The following FANCD2OS variants were observed in gnomAD, a reference collection of about 807,000 sequenced individuals.
FANCD2OS encodes the protein FANCD2 opposite strand protein.
Under a neutral mutation model 13.2 loss-of-function variants are expected in FANCD2OS, and 11 were observed. The observed-to-expected ratio is 0.83, with a 90% CI of 0.52 to 1.38. FANCD2OS has a LOEUF of 1.38. FANCD2OS is among the 40% of genes most tolerant of loss of function. FANCD2OS has a pLI of 0.00. For synonymous variants in FANCD2OS, 69 were observed against 84.5 expected, an observed-to-expected ratio of 0.82 and a Z score of 1.01; for missense variants, 217 against 213.9, an observed-to-expected ratio of 1.01 and a Z score of -0.09.
intron 2 of FANCD2OS, among the ~76,000 whole-genome samples, chr3:10,091,640 G>A (rs1694616212): frequency 6.6e-6 from 1 of 151,714 alleles, no homozygotes; most frequent in African/African-American, 2.4e-5. Context: ...GGCAAACTGG[G>A]CAGTAGCCAA....
intron 2 of FANCD2OS, chr3:10,095,486 C>T (rs1379702412): frequency 8.4e-6 from 5 of 597,696 alleles, no homozygotes; most frequent in Non-Finnish European, 1.2e-5. Flanking sequence ...ATTCAAACTC[C>T]AAAGCTCTTT....
rs1324858111 is a variant in FANCD2OS, at chr3:10,088,711, G to C, written c.*44-7180C>G. The C allele has an allele frequency of 2.5e-6, 3 of 1,222,088 alleles. No homozygotes were observed. In the African/African-American group the frequency reaches 4.5e-5, roughly 18 times the overall value. The allele number at this position is 1,222,088 out of a possible 1,614,324, so 75.7% of individuals were successfully genotyped here. A position where few individuals can be genotyped will look rare whatever the true frequency, so the allele number is the denominator to read the frequency against. On this transcript the variant is annotated intron_variant, in intron 2 of 2. Coordinates refer to the FANCD2OS transcript ENST00000524279. The stretch of plus-strand genomic sequence containing the variant: ...GTGGATCTTAAGATCCTCTGGTTCT[G>C]TTTTATACTGTTAGCTAACTGCTTA...
chr3:10,107,333 T>G lies in FANCD2OS; in HGVS notation c.-9+682A>C, dbSNP rs917774458. Reference sequence around the variant, plus strand: ...GACAGAGCCTTGCTCTGTCACTCAGTCTGGAGTGCAGTGGCGCGATCTCCG... The same window carrying G: ...GACAGAGCCTTGCTCTGTCACTCAGGCTGGAGTGCAGTGGCGCGATCTCCG... On this transcript the variant is annotated intron_variant, in intron 1 of 1. Transcript: ENST00000450660. Among the ~76,000 whole-genome samples, 76 of 151,876 alleles carry G rather than the reference T, an allele frequency of 5.0e-4. 2 individuals are homozygous for G. The highest frequency in any genetic ancestry group is 5.9e-5 in the Non-Finnish European group (4 of 67,940).
Position 10,104,062 on chromosome 3 carries a change from T to C in FANCD2OS, c.*179A>G, listed in dbSNP as rs2125109274. The C allele has an allele frequency of 5.0e-6, 3 of 601,874 alleles. No individual in the cohort carries two copies. In the East Asian group the frequency reaches 8.4e-5, roughly 17 times the overall value. 37.3% of individuals were successfully genotyped at this position (601,874 alleles called of 1,614,324 possible). On this transcript the variant is annotated 3_prime_UTR_variant, in exon 2 of 2. Coordinates refer to ENST00000450660, the MANE Select transcript of FANCD2OS (RefSeq NM_001164839.2). ...TGGGAATGTTCTTCCTTGTTCTCTA[T>C]CATTGGTCCTTTTTTGGAGGGGAAG...
At chr3:10,105,816 ATATATT>A (rs1695482868) in intron 1 of FANCD2OS, among the ~76,000 whole-genome samples, 1 of 77,732 alleles carries the variant, frequency 1.3e-5, no homozygotes, top group Non-Finnish European at 2.5e-5. Context: ...ATATATATAT[ATATATT>A]TTGAGGTTCG....
chr3:10,098,715 T>C (rs763801603), downstream of FANCD2OS: 33 of 1,613,880 alleles, frequency 2.0e-5, no homozygotes, highest in Non-Finnish European at 5.1e-6. Context: ...TCCATTCACA[T>C]TTAGGGTGAA....
downstream of FANCD2OS, among the ~76,000 whole-genome samples, chr3:10,098,335 A>G (rs993758286): frequency 6.6e-6 from 1 of 152,140 alleles, no homozygotes. Flanking sequence ...ACCTCACCAT[A>G]CTGTCCTTTA....
At chr3:10,106,960 G>T (rs967915703) in intron 1 of FANCD2OS, among the ~76,000 whole-genome samples, 1 of 152,172 alleles carries the variant, frequency 6.6e-6, no homozygotes, top group South Asian at 2.1e-4. Flanking sequence ...TCCTGACAAT[G>T]GTTAGTATAG....
At chr3:10,095,299 A>T in intron 2 of FANCD2OS, 1 of 1,597,918 alleles carries the variant, frequency 6.3e-7, no homozygotes, top group East Asian at 2.2e-5. Context: ...AGGTTCTATC[A>T]GCAGCCTGCC....
At chr3:10,093,163 G>T (rs1345648868) in intron 2 of FANCD2OS, 1 of 741,322 alleles carries the variant, frequency 1.3e-6, no homozygotes, top group Non-Finnish European at 2.5e-6. Context: ...TTTAAATGTT[G>T]ACATTCCTCC....
intron 2 of FANCD2OS, chr3:10,096,256 G>T: frequency 6.6e-7 from 1 of 1,512,358 alleles, no homozygotes; most frequent in South Asian, 1.1e-5. Flanking sequence ...AACATTCAAA[G>T]GTTTCTATAA....
chr3:10,086,448 C>A (rs1161558228), intron 2 of FANCD2OS, among the ~76,000 whole-genome samples: 1 of 152,142 alleles, frequency 6.6e-6, no homozygotes, highest in African/African-American at 2.4e-5. Flanking sequence ...ACTGGGTCAG[C>A]AGTCAGTGCT....
At chr3:10,105,236 A>G (rs1348226273) in intron 1 of FANCD2OS, among the ~76,000 whole-genome samples, 1 of 152,194 alleles carries the variant, frequency 6.6e-6, no homozygotes, top group Non-Finnish European at 1.5e-5. Flanking sequence ...AAAACTTTAT[A>G]TTAAACTTTT....
chr3:10,105,768 A>T (rs1174948143), intron 1 of FANCD2OS, among the ~76,000 whole-genome samples: 606 of 51,340 alleles, frequency 0.012, 52 homozygotes, highest in African/African-American at 0.092. Context: ...AAAAAAAAAA[A>T]AAATTATATA....
chr3:10,082,589 C>T lies in FANCD2OS; in HGVS notation c.*44-1058G>A, dbSNP rs371618992. Among the ~76,000 whole-genome samples, 7 of 152,132 alleles carry T rather than the reference C, an allele frequency of 4.6e-5. No individual in the cohort carries two copies. In the East Asian group the frequency reaches 9.7e-4, roughly 21 times the overall value. Reference sequence around the variant, plus strand: ...AGCCTCACTGAATTAATTTGAGCACCCTATATAGCTTTTACGTGGGAGGCT... The same window carrying T: ...AGCCTCACTGAATTAATTTGAGCACTCTATATAGCTTTTACGTGGGAGGCT... On this transcript the variant is annotated intron_variant, in intron 2 of 2. Coordinates refer to the FANCD2OS transcript ENST00000524279.
rs1695402226 is a variant in FANCD2OS at position 10,104,159 on chromosome 3, A to G, written c.*82T>C. 3.9e-6 allele frequency: 5 copies of G among 1,283,336 alleles called. No homozygotes were observed. Among genetic ancestry groups the G allele is most frequent in the Non-Finnish European group, 5.3e-6 (5 of 937,970 alleles). The allele number at this position is 1,283,336 out of a possible 1,614,324, so 79.5% of individuals were successfully genotyped here. On this transcript the variant is annotated 3_prime_UTR_variant, in exon 2 of 2. Coordinates refer to ENST00000450660, the MANE Select transcript of FANCD2OS (RefSeq NM_001164839.2). ...ATGGCTGGGACAATGTCACAGTTTC[A>G]TTTACATGGACAGGTTTCTGTAAGC...
In FANCD2OS at chr3:10,092,091, A is replaced by G. The variant is rs572948443; in HGVS notation, c.*44-10560T>C. The stretch of plus-strand genomic sequence containing the variant: ...AATTGGCTTAAATATCTGTATAGCT[A>G]TGTAATTCAAGAACTATATCTTAGT... On this transcript the variant is annotated intron_variant, in intron 2 of 2. Transcript: ENST00000524279. 55 of 925,618 alleles carry G rather than the reference A, an allele frequency of 5.9e-5. No homozygotes were observed. In the African/African-American group the frequency reaches 8.2e-4, roughly 14 times the overall value. 57.3% of individuals were successfully genotyped at this position (925,618 alleles called of 1,614,324 possible).
chr3:10,099,757 C>G (rs997029414), downstream of FANCD2OS: 55 of 152,130 alleles, frequency 3.6e-4, no homozygotes, highest in African/African-American at 1.3e-3. Flanking sequence ...GACTCCGTCT[C>G]AACAACAACA....
intron 2 of FANCD2OS, chr3:10,088,844 A>G (rs753527115): frequency 6.2e-7 from 1 of 1,614,186 alleles, no homozygotes; most frequent in African/African-American, 1.3e-5. Flanking sequence ...CCTGGAGCAC[A>G]CAGAGAGCAT....
Sources: allele counts gnomAD v4.1 joint callset (sites outside exome capture counted in the v4.1 genomes callset), GRCh38; gene constraint gnomAD v4.1.1; transcripts MANE v1.5; gene names NCBI Gene and HGNC (gene_info 2026-07-23, HGNC 2026-07-21).